Variants in GRIP1 observed in about 807,000 individuals in gnomAD.
GRIP1 encodes glutamate receptor-interacting protein 1.
In GRIP1, 45 loss-of-function variants were observed where a neutral mutation model predicts 129.9. The ratio of observed to expected loss-of-function variants is 0.35; its 90% CI spans 0.27 to 0.44. The LOEUF is 0.44. Among genes scored for constraint, GRIP1 ranks in the 20% least tolerant of loss-of-function variants. The pLI is 1.00. For synonymous variants in GRIP1, 530 were observed against 520.8 expected, an observed-to-expected ratio of 1.02 and a Z score of -0.24; for missense variants, 1,196 against 1,396.8, an observed-to-expected ratio of 0.86 and a Z score of 2.29.
At chr12:66,468,505 A>G (rs984580609) in intron 7 of GRIP1, among the ~76,000 whole-genome samples, 24 of 152,226 alleles carry the variant, frequency 1.6e-4, no homozygotes, top group Non-Finnish European at 3.4e-4. Flanking sequence ...AGAAGTGGCT[A>G]TTTAAAGTAG....
chr12:66,539,851 A>G (rs2061723009), intron 3 of GRIP1, among the ~76,000 whole-genome samples: 1 of 152,198 alleles, frequency 6.6e-6, no homozygotes, highest in South Asian at 2.1e-4. Flanking sequence ...CTATACCACC[A>G]TAACAGAATA....
intron 1 of GRIP1, among the ~76,000 whole-genome samples, chr12:66,937,425 A>G (rs1011874098): frequency 1.3e-5 from 2 of 152,202 alleles, no homozygotes; most frequent in Non-Finnish European, 2.9e-5. Context: ...CACCTAGAAA[A>G]GTGCATAACA....
intron 1 of GRIP1, among the ~76,000 whole-genome samples, chr12:66,930,102 A>G (rs1243212978): frequency 9.9e-5 from 10 of 100,718 alleles, no homozygotes; most frequent in Non-Finnish European, 1.9e-4. Context: ...TGGCCTTTAT[A>G]CTCTTTTTTT....
At chr12:67,018,830 GT>G (rs1267514493) in intron 1 of GRIP1, among the ~76,000 whole-genome samples, 1 of 152,090 alleles carries the variant, frequency 6.6e-6, no homozygotes, top group Non-Finnish European at 1.5e-5. Flanking sequence ...ACTAAAAACA[GT>G]TGGAAAACCA....
intron 1 of GRIP1, among the ~76,000 whole-genome samples, chr12:67,062,028 C>G (rs1206524970): frequency 2.0e-5 from 3 of 152,150 alleles, no homozygotes; most frequent in Non-Finnish European, 4.4e-5. Flanking sequence ...TCCTGAGTAG[C>G]TGCACGGCCT....
intron 1 of GRIP1, among the ~76,000 whole-genome samples, chr12:66,652,726 C>A (rs1321187240): frequency 6.6e-6 from 1 of 152,210 alleles, no homozygotes; most frequent in Non-Finnish European, 1.5e-5. Context: ...GTCCCCATCA[C>A]TCCAGGTGCT....
chr12:66,465,652 T>C (rs2059265779), intron 7 of GRIP1, among the ~76,000 whole-genome samples: 1 of 152,252 alleles, frequency 6.6e-6, no homozygotes, highest in Non-Finnish European at 1.5e-5. Context: ...AATGTTCATC[T>C]CTTCAATGAG....
chr12:66,741,960 C>T (rs962979361), intron 1 of GRIP1, among the ~76,000 whole-genome samples: 1 of 152,144 alleles, frequency 6.6e-6, no homozygotes, highest in Admixed American at 6.6e-5. Context: ...TCTACCAATT[C>T]TTCACTCAAC....
chr12:66,869,540 T>C (rs2040260924), intron 1 of GRIP1, among the ~76,000 whole-genome samples: 1 of 152,150 alleles, frequency 6.6e-6, no homozygotes, highest in African/African-American at 2.4e-5. Context: ...ATGTAAATAA[T>C]TTGGCTGAGG....
chr12:66,956,650 C>T (rs764079914), intron 1 of GRIP1, among the ~76,000 whole-genome samples: 1 of 152,062 alleles, frequency 6.6e-6, no homozygotes, highest in Non-Finnish European at 1.5e-5. Flanking sequence ...GTACATATCC[C>T]ATTTCTCCTT....
chr12:66,608,153 T>G (rs544540724), intron 1 of GRIP1, among the ~76,000 whole-genome samples: 1 of 152,318 alleles, frequency 6.6e-6, no homozygotes, highest in East Asian at 1.9e-4. Context: ...TGACTGCTTA[T>G]CAAACAGATG....
chr12:66,387,591 C>G (rs552153196), intron 19 of GRIP1, among the ~76,000 whole-genome samples: 3 of 152,170 alleles, frequency 2.0e-5, no homozygotes, highest in Non-Finnish European at 4.4e-5. Flanking sequence ...ATGAAGAATA[C>G]TCATGAGAAA....
chr12:66,631,562 C>T (rs1350911783), intron 1 of GRIP1, among the ~76,000 whole-genome samples: 1 of 152,170 alleles, frequency 6.6e-6, no homozygotes, highest in East Asian at 1.9e-4. Flanking sequence ...TTCATTGCTG[C>T]CATTTTCCTC....
At chr12:66,796,321 C>T (rs886985908) in intron 1 of GRIP1, among the ~76,000 whole-genome samples, 3 of 141,920 alleles carry the variant, frequency 2.1e-5, no homozygotes, top group Non-Finnish European at 4.6e-5. Flanking sequence ...AAAATGGATT[C>T]GGAATTAAAA....
chr12:66,671,186 A>C (rs1002465357), intron 1 of GRIP1, among the ~76,000 whole-genome samples: 1 of 152,218 alleles, frequency 6.6e-6, no homozygotes, highest in Non-Finnish European at 1.5e-5. Flanking sequence ...TGCTCATAAA[A>C]ATAGGAGATT....
At chr12:66,475,452 T>A (rs1040969373) in intron 7 of GRIP1, among the ~76,000 whole-genome samples, 1 of 152,118 alleles carries the variant, frequency 6.6e-6, no homozygotes, top group South Asian at 2.1e-4. Context: ...TATCCAGGAA[T>A]TGAATTCAGC....
At chr12:66,898,181 T>C (rs2040783747) in intron 1 of GRIP1, among the ~76,000 whole-genome samples, 1 of 152,210 alleles carries the variant, frequency 6.6e-6, no homozygotes, top group South Asian at 2.1e-4. Context: ...AGCAGTTCTG[T>C]CTGAGTTCAA....
At chr12:66,980,596 C>T (rs192185954) in intron 1 of GRIP1, among the ~76,000 whole-genome samples, 5 of 152,266 alleles carry the variant, frequency 3.3e-5, no homozygotes, top group Admixed American at 2.0e-4. Context: ...GGCAACAGAG[C>T]GAGACTCCGT....
At chr12:66,670,904 C>T (rs962384940) in intron 1 of GRIP1, among the ~76,000 whole-genome samples, 8 of 152,090 alleles carry the variant, frequency 5.3e-5, no homozygotes, top group African/African-American at 1.9e-4. Flanking sequence ...CAGCTTCTCC[C>T]TTCTAGCAGC....
Sources: gnomAD v4.1 joint callset for allele counts (sites outside exome capture counted in the v4.1 genomes callset) on GRCh38, gnomAD v4.1.1 for gene constraint, MANE v1.5 for transcripts, NCBI Gene and HGNC (gene_info 2026-07-23, HGNC 2026-07-21) for gene names.